Variants in SNCAIP observed in about 807,000 individuals in gnomAD.
SNCAIP encodes synuclein alpha interacting protein.
SNCAIP carries 43 observed loss-of-function variants against 86.7 expected under a neutral mutation model. The observed-to-expected ratio is 0.50, with a 90% confidence interval of 0.39 to 0.64. The LOEUF (loss-of-function observed/expected upper bound fraction) is 0.64. Ranked by LOEUF, SNCAIP falls within the 30% of genes least tolerant of loss-of-function variation. The pLI, the probability that SNCAIP is intolerant of heterozygous loss-of-function variation, is 0.00. For synonymous variants in SNCAIP, 417 were observed against 427.2 expected (o/e 0.98, Z 0.29); for missense variants, 981 against 1,103.1 (o/e 0.89, Z 1.57).
chr5:122,425,468 G>A lies in SNCAIP; in HGVS notation c.1119G>A (p.Met373Ile), dbSNP rs375155790. 4 of 1,614,082 alleles carry A rather than the reference G, an allele frequency of 2.5e-6. No homozygotes were observed. In the Admixed American group the frequency reaches 5.0e-5, roughly 20 times the overall value. ...GTCTACAGCACCTCACTTCTTTGAT[G>A]GGAGAAGACTGCCTCAATGAGCGCA... The part of the protein sequence containing the change: ...AECLQHLTSL[M>I]GEDCLNERNT... The change falls in exon 5 of 11, where the codon ATG (methionine) becomes ATA (isoleucine). Residue 373 changes from methionine (M) to isoleucine (I), a missense_variant. Physicochemically the swap from Met to Ile is conservative, Grantham distance 10. Transcript: ENST00000261368.
intron 1 of SNCAIP, among the ~76,000 whole-genome samples, chr5:122,368,476 T>TGAAA (rs1763620572): frequency 6.6e-6 from 1 of 152,210 alleles, no homozygotes; most frequent in Admixed American, 6.5e-5. Context: ...TCCCCATTTC[T>TGAAA]ACTCAAGCCC....
intron 1 of SNCAIP, among the ~76,000 whole-genome samples, chr5:122,378,453 T>C (rs1248321224): frequency 2.1e-5 from 3 of 140,132 alleles, no homozygotes; most frequent in African/African-American, 8.1e-5. Flanking sequence ...CTTTGTCAGA[T>C]GAGTAGGTTG....
At chr5:122,397,550 G>A (rs1447706875) in intron 2 of SNCAIP, among the ~76,000 whole-genome samples, 1 of 151,980 alleles carries the variant, frequency 6.6e-6, no homozygotes, top group Admixed American at 6.6e-5. Context: ...ATAAAAATAA[G>A]GTACCAGAGC....
At chr5:122,332,749 T>G (rs1755640235) in intron 1 of SNCAIP, among the ~76,000 whole-genome samples, 1 of 152,084 alleles carries the variant, frequency 6.6e-6, no homozygotes, top group East Asian at 1.9e-4. Context: ...GGGATCTTGG[T>G]AAAAGTGAAG....
At chr5:122,392,484 T>C (rs747336822) in intron 2 of SNCAIP, among the ~76,000 whole-genome samples, 3 of 152,174 alleles carry the variant, frequency 2.0e-5, no homozygotes, top group Non-Finnish European at 4.4e-5. Context: ...GCAAGGTTCT[T>C]TTATGATCAC....
rs373281823 is a variant in SNCAIP at position 122,401,827 on chromosome 5, T to C, written c.58-1966T>C. Among the ~76,000 whole-genome samples, 5 of 152,318 alleles carry C rather than the reference T, an allele frequency of 3.3e-5. 1 individual carries two copies. Among genetic ancestry groups the C allele is most frequent in the Admixed American group, 1.3e-4 (2 of 15,288 alleles). On this transcript the variant is annotated intron_variant, in intron 2 of 10. Coordinates refer to ENST00000261368, the MANE Select transcript of SNCAIP (RefSeq NM_005460.4). ...ATGTAAACCTCGTCAAATTAAAACTTACTATACACTATGGGCCTTTGAGGC... is the reference window on the plus strand; with the variant it reads ...ATGTAAACCTCGTCAAATTAAAACTCACTATACACTATGGGCCTTTGAGGC...
chr5:122,312,090 G>C (rs1750678671), upstream of SNCAIP: 1 of 147,016 alleles, frequency 6.8e-6, no homozygotes, highest in Non-Finnish European at 1.5e-5. Context: ...GGCTGCCCCC[G>C]CCCGCGCGCG....
intron 1 of SNCAIP, chr5:122,321,281 C>G (rs1434716684): frequency 6.6e-6 from 1 of 151,942 alleles, no homozygotes; most frequent in Admixed American, 6.5e-5. Context: ...CTTTTTTTCC[C>G]ATATTACATC....
chr5:122,359,198 C>A (rs1038606260), intron 1 of SNCAIP, among the ~76,000 whole-genome samples: 1 of 151,614 alleles, frequency 6.6e-6, no homozygotes, highest in Admixed American at 6.6e-5. Context: ...ATCACTTAAG[C>A]CCAGAATAAT....
chr5:122,408,215 A>G (rs561908810), intron 3 of SNCAIP, among the ~76,000 whole-genome samples: 2 of 152,096 alleles, frequency 1.3e-5, no homozygotes, highest in Non-Finnish European at 2.9e-5. Context: ...CTGCTCGGAA[A>G]CCTGTCAGCC....
At chr5:122,361,991 G>A (rs905412427) in intron 1 of SNCAIP, among the ~76,000 whole-genome samples, 2 of 152,206 alleles carry the variant, frequency 1.3e-5, no homozygotes, top group Non-Finnish European at 2.9e-5. Context: ...AAATATATGT[G>A]AGTGTTTTAA....
Position 122,353,263 on chromosome 5 carries a change from A to G in SNCAIP, c.-46-37826A>G, listed in dbSNP as rs536448206. Among the ~76,000 whole-genome samples the G allele has an allele frequency of 2.6e-5, 4 of 152,176 alleles. No homozygotes were observed. The South Asian group carries it at 8.3e-4, about 32-fold the overall frequency. ...CATTTCTATAAAACCCACAAGGCAA[A>G]CCAATCTATTGTGTTGGGATTCAGC... On this transcript the variant is annotated intron_variant, in intron 1 of 10. Transcript: ENST00000261368.
intron 2 of SNCAIP, among the ~76,000 whole-genome samples, chr5:122,401,326 T>C (rs970695433): frequency 9.9e-5 from 15 of 152,180 alleles, no homozygotes; most frequent in Admixed American, 9.2e-4. Flanking sequence ...AGTTATGTGT[T>C]CCCTGTGCAT....
intron 1 of SNCAIP, among the ~76,000 whole-genome samples, chr5:122,348,097 G>T (rs1019523162): frequency 6.6e-6 from 1 of 151,924 alleles, no homozygotes; most frequent in East Asian, 1.9e-4. Flanking sequence ...CAAAGCATTG[G>T]GATTCCCCCA....
At chr5:122,323,932 A>G (rs1753502684) in intron 1 of SNCAIP, among the ~76,000 whole-genome samples, 1 of 152,214 alleles carries the variant, frequency 6.6e-6, no homozygotes, top group African/African-American at 2.4e-5. Flanking sequence ...AACCGTTTTT[A>G]AAAATGCAAA....
intron 1 of SNCAIP, among the ~76,000 whole-genome samples, chr5:122,356,979 C>T (rs1761135763): frequency 6.6e-6 from 1 of 152,164 alleles, no homozygotes; most frequent in Non-Finnish European, 1.5e-5. Context: ...CTTCCCTGTG[C>T]ATCACAGTAA....
chr5:122,363,915 T>G (rs1163386923), intron 1 of SNCAIP, among the ~76,000 whole-genome samples: 35 of 151,994 alleles, frequency 2.3e-4, no homozygotes, highest in Non-Finnish European at 4.4e-5. Flanking sequence ...CTCAAACTCC[T>G]GGGTTCAAGC....
intron 1 of SNCAIP, among the ~76,000 whole-genome samples, chr5:122,383,205 T>C (rs1767316677): frequency 6.6e-6 from 1 of 152,154 alleles, no homozygotes; most frequent in African/African-American, 2.4e-5. Context: ...TCCGTGGGCG[T>C]AGGACCCTCC....
rs1770555019 is a variant in SNCAIP at position 122,396,051 on chromosome 5, C to T, written c.57+4860C>T. On this transcript the variant is annotated intron_variant, in intron 2 of 10. Transcript: ENST00000261368. ...ATGGAAACTTTGTTTAGTGCTTCTC[C>T]GTGTGATCTAGTTCCAGCAACTGTC... Among the ~76,000 whole-genome samples the T allele has an allele frequency of 3.3e-5, 5 of 152,052 alleles. No individual in the cohort carries two copies. In the South Asian group the frequency reaches 6.2e-4, roughly 19 times the overall value.
Sources: gnomAD v4.1 joint callset for allele counts (sites outside exome capture counted in the v4.1 genomes callset) on GRCh38, gnomAD v4.1.1 for gene constraint, MANE v1.5 for transcripts, NCBI Gene and HGNC (gene_info 2026-07-23, HGNC 2026-07-21) for gene names.